UROS: variants seen among roughly 807,000 people sequenced by gnomAD.
UROS encodes the protein uroporphyrinogen III synthase.
Under a neutral mutation model 33.0 loss-of-function variants are expected in UROS, and 18 were observed. The observed-to-expected ratio is 0.55, with a 90% CI of 0.38 to 0.81. The LOEUF (loss-of-function observed/expected upper bound fraction) is 0.81. UROS is among the 30% of genes least tolerant of loss of function. The pLI is 0.00. For missense variants in UROS, 293 were observed against 314.9 expected (o/e 0.93, Z 0.53); for synonymous variants, 114 against 121.1 (o/e 0.94, Z 0.38).
intron 1 of UROS, among the ~76,000 whole-genome samples, chr10:125,822,495 G>A (rs1854044220): frequency 6.6e-6 from 1 of 152,084 alleles, no homozygotes; most frequent in South Asian, 2.1e-4. Context: ...GCTAGTTTTT[G>A]TATTTTTAGT....
downstream of UROS, among the ~76,000 whole-genome samples, chr10:125,788,248 T>C (rs1850688710): frequency 6.6e-6 from 1 of 152,232 alleles, no homozygotes; most frequent in Non-Finnish European, 1.5e-5. Flanking sequence ...TTCCAAAGCC[T>C]TTCTGCAGGG....
rs534866459 is a variant in UROS at position 125,794,647 on chromosome 10, C to G, written c.660+233G>C. On this transcript the variant is annotated intron_variant, in intron 9 of 9. Coordinates refer to ENST00000368797, the MANE Select transcript of UROS (RefSeq NM_000375.3). ...TAAGCAGGGAAGACCATACACATGT[C>G]TATGAAAGCCACAGAGAGACAATTA... Among the ~76,000 whole-genome samples, 3 of 152,172 alleles carry G rather than the reference C, an allele frequency of 2.0e-5. No individual in the cohort carries two copies. The East Asian group carries it at 5.8e-4, about 29-fold the overall frequency.
chr10:125,812,337 T>C (rs1001820361), intron 4 of UROS, 49 bp from the exon 5 acceptor site: 3 of 1,560,636 alleles, frequency 1.9e-6, no homozygotes, highest in Non-Finnish European at 2.6e-6. Flanking sequence ...AAGTGGCCAT[T>C]TGGACTGTTG....
chr10:125,787,901 C>T (rs1173419575), downstream of UROS, among the ~76,000 whole-genome samples: 1 of 152,170 alleles, frequency 6.6e-6, no homozygotes, highest in Non-Finnish European at 1.5e-5. Context: ...TGCTTATGCT[C>T]GTCCATGCCT....
intron 6 of UROS, among the ~76,000 whole-genome samples, chr10:125,804,010 C>T (rs1267165555): frequency 6.6e-6 from 1 of 152,236 alleles, no homozygotes; most frequent in Non-Finnish European, 1.5e-5. Context: ...CTCCCTGTTC[C>T]AGGCACAGAG....
At chr10:125,815,406 A>G (rs974916839) in intron 3 of UROS, among the ~76,000 whole-genome samples, 1 of 152,192 alleles carries the variant, frequency 6.6e-6, no homozygotes, top group Non-Finnish European at 1.5e-5. Context: ...TGATAAGTGC[A>G]CTGCAGCACA....
chr10:125,822,518 T>C (rs923104664), intron 1 of UROS, among the ~76,000 whole-genome samples: 1 of 152,142 alleles, frequency 6.6e-6, no homozygotes, highest in African/African-American at 2.4e-5. Flanking sequence ...AGATGGGATT[T>C]CGCCATGTTG....
Position 125,789,293 on chromosome 10 carries a change from G to C in UROS, c.661-288C>G, listed in dbSNP as rs1850755423. On this transcript the variant is annotated intron_variant, in intron 9 of 9. Transcript: ENST00000368797. ...CAGGCTGGTGCTCACCATCACGGCT[G>C]TGTCAGTGCAGTCCTTCCTCAGAGG... 1.2e-4 allele frequency: 163 copies of C among 1,367,250 alleles called. 3 individuals are homozygous for C. In the South Asian group the frequency reaches 2.5e-3, roughly 21 times the overall value. 84.7% of individuals were successfully genotyped at this position (1,367,250 alleles called of 1,614,324 possible).
intron 6 of UROS, among the ~76,000 whole-genome samples, chr10:125,805,754 G>A (rs1852273768): frequency 6.6e-6 from 1 of 152,188 alleles, no homozygotes; most frequent in South Asian, 2.1e-4. Context: ...GGGTGATGGT[G>A]AAGATTAAAT....
intron 9 of UROS, among the ~76,000 whole-genome samples, chr10:125,790,323 G>A (rs1455031292): frequency 6.6e-6 from 1 of 152,084 alleles, no homozygotes; most frequent in Non-Finnish European, 1.5e-5. Context: ...TACACAACTC[G>A]TAGAAGGAAA....
chr10:125,788,827 A>G lies in UROS; in HGVS notation c.*41T>C. 1.9e-6 allele frequency: 3 copies of G among 1,549,612 alleles called. No individual in the cohort carries two copies. Among genetic ancestry groups the G allele is most frequent in the East Asian group, 2.4e-5 (1 of 41,432 alleles). The stretch of plus-strand genomic sequence containing the variant: ...GCCTGGCTCCATCCAGAGCCAGCCC[A>G]GCCCAGGGAGGCTGCATGGGGCCAG... On this transcript the variant is annotated 3_prime_UTR_variant, in exon 10 of 10. Transcript: ENST00000368797.
chr10:125,789,545 A>G (rs1850770074), intron 9 of UROS: 2 of 202,856 alleles, frequency 9.9e-6, no homozygotes, highest in African/African-American at 4.7e-5. Flanking sequence ...AACCGAAAAG[A>G]TAACAGGACT....
chr10:125,804,338 C>T (rs757306167), intron 6 of UROS, among the ~76,000 whole-genome samples: 2 of 152,196 alleles, frequency 1.3e-5, no homozygotes, highest in Non-Finnish European at 2.9e-5. Context: ...GAGGGTGGCG[C>T]ACCCCAACTC....
intron 1 of UROS, among the ~76,000 whole-genome samples, chr10:125,821,866 G>GT (rs1853941080): frequency 6.6e-6 from 1 of 152,178 alleles, no homozygotes; most frequent in South Asian, 2.1e-4. Flanking sequence ...GCGCTGATGT[G>GT]TAAGTATTAC....
At chr10:125,796,496 C>T (rs1851375868) in intron 7 of UROS, among the ~76,000 whole-genome samples, 1 of 152,228 alleles carries the variant, frequency 6.6e-6, no homozygotes, top group Admixed American at 6.5e-5. Flanking sequence ...GGTTTGTCCA[C>T]ACAAGGCCGT....
In UROS at chr10:125,788,701, G is replaced by C; in HGVS notation, c.*167C>G. The C allele has an allele frequency of 7.0e-7, 1 of 1,434,212 alleles. No individual in the cohort carries two copies. Among genetic ancestry groups the C allele is most frequent in the South Asian group, 1.5e-5 (1 of 67,178 alleles). The allele number at this position is 1,434,212 out of a possible 1,614,324, so 88.8% of individuals were successfully genotyped here. A position where few individuals can be genotyped will look rare whatever the true frequency, so the allele number is the denominator to read the frequency against. ...GGCAGTCACGTGCACGTGGGCCTGA[G>C]GCCAGCCCCAGGTCAGGTCCCGATC... On this transcript the variant is annotated 3_prime_UTR_variant, in exon 10 of 10. Transcript: ENST00000368797.
intron 7 of UROS, chr10:125,796,648 T>C (rs1441792857): frequency 2.1e-6 from 1 of 483,822 alleles, no homozygotes; most frequent in Non-Finnish European, 2.7e-6. Context: ...GTCCCCTCTC[T>C]GGGCCTCAGT....
At chr10:125,801,977 C>T (rs1851871361) in intron 6 of UROS, 3 of 978,114 alleles carry the variant, frequency 3.1e-6, no homozygotes, top group Non-Finnish European at 3.6e-6. Flanking sequence ...CAGGAGCCAC[C>T]TATTCTATTA....
At position 125,816,231 on chromosome 10, in the gene UROS, A is replaced by G. The variant is rs753638467; in HGVS notation, c.93T>C (p.Thr31=). The G allele has an allele frequency of 6.8e-6, 11 of 1,614,222 alleles. No individual in the cohort carries two copies. Among genetic ancestry groups the G allele is most frequent in the Admixed American group, 1.7e-5 (1 of 60,028 alleles). Residue 31 remains threonine, a synonymous_variant, in exon 3 of 10, where the codon ACT becomes ACC. Coordinates refer to ENST00000368797, the MANE Select transcript of UROS (RefSeq NM_000375.3). ...ACTCAAACGATAAAACAGGGATCAA[A>G]GTGGCTTCAAGTCCATATAATCCTA... The part of the protein sequence containing the change: ...RELGLYGLEA[T]LIPVLSFEFL...
Sources: gnomAD v4.1 joint callset for allele counts (sites outside exome capture counted in the v4.1 genomes callset) on GRCh38, gnomAD v4.1.1 for gene constraint, MANE v1.5 for transcripts, NCBI Gene and HGNC (gene_info 2026-07-23, HGNC 2026-07-21) for gene names.